Variants in FGF12 observed in about 807,000 individuals in gnomAD.
The protein encoded by FGF12 is fibroblast growth factor 12.
Under a neutral mutation model 23.6 loss-of-function variants are expected in FGF12, and 14 were observed. The ratio of observed to expected loss-of-function variants is 0.59; its 90% confidence interval spans 0.39 to 0.93. The LOEUF (loss-of-function observed/expected upper bound fraction) is 0.93, where lower values mean the gene tolerates loss of function less well. Ranked by LOEUF, FGF12 falls within the 40% of genes least tolerant of loss-of-function variation. FGF12 has a pLI of 0.00. For synonymous variants in FGF12, 62 were observed against 77.3 expected, an observed-to-expected ratio of 0.80 and a Z score of 1.04; for missense variants, 175 against 217.8, an observed-to-expected ratio of 0.80 and a Z score of 1.24.
intron 2 of FGF12, among the ~76,000 whole-genome samples, chr3:192,419,793 T>G (rs3108300): frequency 5.9e-4 from 89 of 151,992 alleles, no homozygotes; most frequent in Non-Finnish European, 1.0e-3. Context: ...TTCAAGGAGA[T>G]AGTCACGGAA....
chr3:192,338,433 A>G (rs888323235), intron 3 of FGF12, among the ~76,000 whole-genome samples: 1 of 152,130 alleles, frequency 6.6e-6, no homozygotes, highest in African/African-American at 2.4e-5. Context: ...ATATCCTGCA[A>G]CCAGATGTAG....
intron 2 of FGF12, among the ~76,000 whole-genome samples, chr3:192,589,985 G>C (rs1713553608): frequency 6.6e-6 from 1 of 151,748 alleles, no homozygotes; most frequent in Non-Finnish European, 1.5e-5. Context: ...GGTTGGTATT[G>C]TTTTTACTAC....
intron 2 of FGF12, among the ~76,000 whole-genome samples, chr3:192,454,074 T>C (rs1347332539): frequency 1.3e-5 from 2 of 152,110 alleles, no homozygotes; most frequent in East Asian, 3.9e-4. Context: ...AGTCTAGCTC[T>C]GTCGCCCAGG....
At chr3:192,585,697 C>T (rs1300975739) in intron 2 of FGF12, among the ~76,000 whole-genome samples, 1 of 152,080 alleles carries the variant, frequency 6.6e-6, no homozygotes, top group Admixed American at 6.6e-5. Context: ...TCCCCGAGCC[C>T]CTCAACACCC....
intron 2 of FGF12, among the ~76,000 whole-genome samples, chr3:192,455,634 G>A (rs1028981518): frequency 1.2e-4 from 18 of 151,998 alleles, no homozygotes; most frequent in African/African-American, 2.9e-4. Flanking sequence ...ATAAACATAC[G>A]TGTTGTTATA....
At chr3:192,627,791 C>A (rs752113410) in intron 2 of FGF12, among the ~76,000 whole-genome samples, 1 of 151,790 alleles carries the variant, frequency 6.6e-6, no homozygotes, top group Non-Finnish European at 1.5e-5. Context: ...GTCTTACTAC[C>A]AAGATATTAA....
At chr3:192,545,649 G>A (rs960521816) in intron 2 of FGF12, among the ~76,000 whole-genome samples, 2 of 152,194 alleles carry the variant, frequency 1.3e-5, no homozygotes, top group African/African-American at 4.8e-5. Context: ...AAACAAAATT[G>A]TCCACATAAT....
intron 2 of FGF12, among the ~76,000 whole-genome samples, chr3:192,381,662 A>G (rs998173888): frequency 1.3e-5 from 2 of 152,228 alleles, no homozygotes; most frequent in African/African-American, 4.8e-5. Context: ...TGTAAAGAAA[A>G]AGAAGGAATT....
intron 2 of FGF12, among the ~76,000 whole-genome samples, chr3:192,692,048 A>G (rs180814900): frequency 2.0e-5 from 3 of 152,302 alleles, no homozygotes; most frequent in African/African-American, 7.2e-5. Flanking sequence ...AGTAAAGCCC[A>G]GGACCAGATG....
intron 2 of FGF12, among the ~76,000 whole-genome samples, chr3:192,626,579 G>C (rs146111262): frequency 1.3e-5 from 2 of 152,094 alleles, no homozygotes; most frequent in Non-Finnish European, 2.9e-5. Flanking sequence ...GAAGGAATAA[G>C]TTAAACGCTA....
intron 2 of FGF12, among the ~76,000 whole-genome samples, chr3:192,459,941 C>T (rs76871649): frequency 2.0e-5 from 3 of 151,944 alleles, no homozygotes; most frequent in Non-Finnish European, 2.9e-5. Flanking sequence ...TCATTGAGTA[C>T]CTTTCATGTA....
intron 2 of FGF12, among the ~76,000 whole-genome samples, chr3:192,488,765 A>G (rs145219478): frequency 1.1e-3 from 164 of 152,198 alleles, no homozygotes; most frequent in African/African-American, 3.6e-3. Flanking sequence ...TGTTTAAAAC[A>G]AAAAGAACCT....
rs1394936942 is a variant in FGF12 at position 192,628,369 on chromosome 3, C to T, written c.13+98812G>A. Among the ~76,000 whole-genome samples, 3 of 149,828 alleles carry T rather than the reference C, an allele frequency of 2.0e-5. No homozygotes were observed. The East Asian group carries it at 5.9e-4, about 30-fold the overall frequency. ...GTTTTTCTGGAATAAAACTCAAGAG[C>T]ATAACATAAATAAAAACTGCCAAAT... On this transcript the variant is annotated intron_variant, in intron 2 of 5. Coordinates refer to ENST00000445105, the MANE Select transcript of FGF12 (RefSeq NM_004113.6).
intron 2 of FGF12, among the ~76,000 whole-genome samples, chr3:192,572,438 GAACA>G: frequency 6.6e-6 from 1 of 152,042 alleles, no homozygotes; most frequent in African/African-American, 2.4e-5. Context: ...ATTTAAAAGA[GAACA>G]AATGGTCATT....
chr3:192,691,422 A>G (rs1717939919), intron 2 of FGF12, among the ~76,000 whole-genome samples: 1 of 152,116 alleles, frequency 6.6e-6, no homozygotes, highest in Admixed American at 6.5e-5. Flanking sequence ...ATTAAAGTAA[A>G]TACTTCTAAA....
intron 2 of FGF12, among the ~76,000 whole-genome samples, chr3:192,384,039 A>G (rs1719937223): frequency 6.6e-6 from 1 of 152,218 alleles, no homozygotes; most frequent in Non-Finnish European, 1.5e-5. Context: ...AAATGGGAGT[A>G]AAGACTGTTT....
chr3:192,170,147 T>TTG (rs1391697342), intron 5 of FGF12, among the ~76,000 whole-genome samples: 1 of 149,104 alleles, frequency 6.7e-6, no homozygotes, highest in African/African-American at 2.5e-5. Context: ...TTTTTTTTTT[T>TTG]TTTAATAGGA....
chr3:192,202,091 C>T (rs9845997), intron 4 of FGF12, among the ~76,000 whole-genome samples: 2,770 of 152,006 alleles, frequency 0.018, 93 homozygotes, highest in African/African-American at 0.064. Flanking sequence ...AAAGTAAATA[C>T]ACCAAAGATT....
intron 2 of FGF12, among the ~76,000 whole-genome samples, chr3:192,376,056 A>C (rs1260280687): frequency 2.0e-5 from 3 of 152,134 alleles, no homozygotes; most frequent in African/African-American, 7.2e-5. Flanking sequence ...GGGGTTCTGC[A>C]AATTCTCTAT....
Sources: gnomAD v4.1 joint callset for allele counts (sites outside exome capture counted in the v4.1 genomes callset) on GRCh38, gnomAD v4.1.1 for gene constraint, MANE v1.5 for transcripts, NCBI Gene and HGNC (gene_info 2026-07-23, HGNC 2026-07-21) for gene names.